TCF20: variants seen among roughly 807,000 people sequenced by gnomAD.
TCF20 encodes the protein transcription factor 20.
TCF20 carries 3 observed loss-of-function variants against 148.6 expected under a neutral mutation model. The ratio of observed to expected loss-of-function variants is 0.02; its 90% CI spans 0.01 to 0.05. The LOEUF is 0.05. Among genes scored for constraint, TCF20 ranks in the 10% least tolerant of loss-of-function variants. The probability of loss-of-function intolerance (pLI) is 1.00; values close to 1 mark genes in which losing one functional copy is unlikely to be tolerated. For missense variants in TCF20, 2,350 were observed against 2,429.3 expected, an observed-to-expected ratio of 0.97 and a Z score of 0.69; for synonymous variants, 1,049 against 909.5, an observed-to-expected ratio of 1.15 and a Z score of -2.76.
chr22:42,298,961 G>A (rs1041022101), intron 1 of TCF20, among the ~76,000 whole-genome samples: 12 of 152,220 alleles, frequency 7.9e-5, no homozygotes, highest in African/African-American at 2.4e-5. Context: ...CGGGCACCAC[G>A]GCCAGCACAG....
chr22:42,246,112 TC>T (rs1924882219), intron 1 of TCF20, among the ~76,000 whole-genome samples: 1 of 152,216 alleles, frequency 6.6e-6, no homozygotes, highest in African/African-American at 2.4e-5. Context: ...TTTTCTTTTT[TC>T]TTTTTTTTCT....
rs552487573 is a variant in TCF20 at position 42,212,952 on chromosome 22, G to A, written c.2354C>T (p.Thr785Ile). 1 of 1,614,132 alleles carries A rather than the reference G, an allele frequency of 6.2e-7. No homozygotes were observed. The highest frequency in any genetic ancestry group is 8.5e-7 in the Non-Finnish European group (1 of 1,180,022). ...ACTAACCAAGACATTGGGCCTTGTG[G>A]TTCCTTCTAGGCTACCAGCCATCCC... ...HQGMAGSLEG[T>I]TRPNVLVSQT... Residue 785 changes from threonine to isoleucine, a missense_variant, in exon 2 of 6, where the codon ACC (threonine) becomes ATC (isoleucine). This residue lies in a region of TCF20 where 1,641 missense variants were observed against 1,662.6 expected (regional missense o/e 0.99). Transcript: ENST00000677622.
chr22:42,281,606 G>T (rs1365206396), intron 1 of TCF20, among the ~76,000 whole-genome samples: 2 of 152,190 alleles, frequency 1.3e-5, no homozygotes, highest in African/African-American at 4.8e-5. Context: ...ACTCTTCAAG[G>T]CCTTCAAATG....
intron 1 of TCF20, among the ~76,000 whole-genome samples, chr22:42,239,702 G>A (rs889407697): frequency 3.3e-5 from 5 of 152,116 alleles, no homozygotes; most frequent in Non-Finnish European, 7.4e-5. Context: ...GGGGAGAATC[G>A]CTAGAACCCA....
At chr22:42,245,306 A>G (rs1435977947) in intron 1 of TCF20, among the ~76,000 whole-genome samples, 2 of 151,992 alleles carry the variant, frequency 1.3e-5, no homozygotes, top group African/African-American at 4.8e-5. Context: ...CTGGTCTCCA[A>G]CACCTGGGTT....
In TCF20 at chr22:42,214,036, T is replaced by C. The variant is rs762875633; in HGVS notation, c.1270A>G (p.Met424Val). 15 of 1,614,044 alleles carry C rather than the reference T, an allele frequency of 9.3e-6. No individual in the cohort carries two copies. Among genetic ancestry groups the C allele is most frequent in the Admixed American group, 6.7e-5 (4 of 59,996 alleles). ...LMPQLSPTPS[M>V]MPSPNSHAAG... The stretch of plus-strand genomic sequence containing the variant: ...GCATGAGAATTAGGACTGGGCATCA[T>C]TGATGGGGTTGGACTGAGTTGAGGC... Residue 424 changes from methionine (M) to valine (V), a missense_variant, in exon 2 of 6, where the codon ATG (methionine) becomes GTG (valine). Transcript: ENST00000677622.
At chr22:42,294,158 CCA>C (rs965563990) in intron 1 of TCF20, among the ~76,000 whole-genome samples, 3 of 152,052 alleles carry the variant, frequency 2.0e-5, no homozygotes, top group Non-Finnish European at 2.9e-5. Flanking sequence ...TCCTCCCTCC[CCA>C]CACACACACC....
chr22:42,274,031 C>A, upstream of TCF20: 1 of 152,818 alleles, frequency 6.5e-6, no homozygotes, highest in Non-Finnish European at 1.5e-5. Flanking sequence ...CACTTGCCAG[C>A]TCTCGTGAGC....
rs1033476141 is a variant in TCF20, at chr22:42,168,816, G to A, written c.5800-80C>T. On this transcript the variant is annotated intron_variant, in intron 4 of 5. Transcript: ENST00000677622. The stretch of plus-strand genomic sequence containing the variant: ...ATCAGGGAGGGCAAAGGGAGGACAG[G>A]AGTGGCACATGGAAAAGGAAAGAAA... 1.0e-5 allele frequency: 15 copies of A among 1,463,368 alleles called. No homozygotes were observed. In the Middle Eastern group the frequency reaches 5.3e-4, roughly 52 times the overall value. The allele number at this position is 1,463,368 out of a possible 1,614,324, so 90.6% of individuals were successfully genotyped here.
chr22:42,174,134 C>T (rs1486788365), intron 3 of TCF20, among the ~76,000 whole-genome samples: 2 of 152,144 alleles, frequency 1.3e-5, no homozygotes, highest in Non-Finnish European at 2.9e-5. Context: ...AAAATCCCAA[C>T]CATATTGCCT....
At chr22:42,309,931 A>T (rs978456541) in intron 1 of TCF20, among the ~76,000 whole-genome samples, 4 of 152,196 alleles carry the variant, frequency 2.6e-5, no homozygotes, top group African/African-American at 9.6e-5. Context: ...GTCCAAGGCT[A>T]ACTCCACACT....
chr22:42,261,864 G>A (rs888914804), intron 1 of TCF20, among the ~76,000 whole-genome samples: 6 of 152,118 alleles, frequency 3.9e-5, no homozygotes, highest in Admixed American at 1.3e-4. Context: ...GGTGGCGGGC[G>A]CCTGTAATCC....
chr22:42,178,637 C>A (rs911613540), intron 3 of TCF20, among the ~76,000 whole-genome samples: 7 of 127,330 alleles, frequency 5.5e-5, no homozygotes, highest in Non-Finnish European at 1.1e-4. Flanking sequence ...GTTGCCCAGG[C>A]TGGAGTGCAG....
At chr22:42,323,013 T>C (rs934651650) in intron 1 of TCF20, among the ~76,000 whole-genome samples, 1 of 151,642 alleles carries the variant, frequency 6.6e-6, no homozygotes, top group Non-Finnish European at 1.5e-5. Flanking sequence ...TTCAAGTGAT[T>C]CTCCTGCCTC....
chr22:42,211,065 G>A lies in TCF20; in HGVS notation c.4241C>T (p.Ser1414Leu), dbSNP rs145553394. 1,035 of 1,614,090 alleles carry A rather than the reference G, an allele frequency of 6.4e-4. 6 individuals carry two copies. In the African/African-American group the frequency reaches 0.012, roughly 19 times the overall value. ...DIEKRKGEVASDLVSPANQEL... is the reference protein window; with the variant it reads ...DIEKRKGEVALDLVSPANQEL... The stretch of plus-strand genomic sequence containing the variant: ...CTGGTTTGCTGGACTGACTAGGTCC[G>A]AAGCCACCTCACCTTTTCTCTTCTC... The change falls in exon 2 of 6, where the codon TCG becomes TTG. Residue 1414 changes from serine to leucine, a missense_variant. Coordinates refer to ENST00000677622, the MANE Select transcript of TCF20 (RefSeq NM_001378418.1).
rs549478967 is a variant in TCF20, at chr22:42,343,040, T to C, written c.-37+439A>G. On this transcript the variant is annotated intron_variant, in intron 1 of 1. Transcript: ENST00000515426. ...GCAAGCGCTTACAGTGGCTGCATTA[T>C]GGTGGTGGGACAATGGATGATTTTT... is the stretch of plus-strand genomic sequence containing the variant. Among the ~76,000 whole-genome samples, 603 of 152,294 alleles carry C rather than the reference T, an allele frequency of 4.0e-3. 2 individuals are homozygous for C. The highest frequency in any genetic ancestry group is 0.014 in the African/African-American group (578 of 41,572).
At chr22:42,318,981 G>A (rs1055988999) in intron 1 of TCF20, among the ~76,000 whole-genome samples, 1 of 152,206 alleles carries the variant, frequency 6.6e-6, no homozygotes, top group African/African-American at 2.4e-5. Context: ...CACTCCAGCT[G>A]TGTTCTAAAG....
intron 1 of TCF20, 126 bp from the exon 2 acceptor site, chr22:42,215,467 A>ATTTT: frequency 2.0e-6 from 2 of 1,012,364 alleles, no homozygotes; most frequent in Non-Finnish European, 2.6e-6. Context: ...TTGAATTTCT[A>ATTTT]TTTTTTTTTT....
intron 1 of TCF20, among the ~76,000 whole-genome samples, chr22:42,240,176 G>A (rs756899106): frequency 3.3e-5 from 5 of 152,140 alleles, no homozygotes; most frequent in Non-Finnish European, 5.9e-5. Context: ...TCTAGACAAC[G>A]AAACAGAGGC....
Sources: allele counts gnomAD v4.1 joint callset (sites outside exome capture counted in the v4.1 genomes callset), GRCh38; gene constraint gnomAD v4.1.1; regional missense constraint gnomAD v4.1.1; transcripts MANE v1.5; gene names NCBI Gene and HGNC (gene_info 2026-07-23, HGNC 2026-07-21).